Variants in SMAP2 observed in about 807,000 individuals in gnomAD.
SMAP2 encodes small ArfGAP2, also known as stromal membrane-associated protein 2.
In SMAP2, 25 loss-of-function variants were observed where a neutral mutation model predicts 56.4. That is an observed-to-expected ratio of 0.44 (90% CI 0.32 to 0.62). SMAP2 has a LOEUF of 0.62. SMAP2 is among the 20% of genes least tolerant of loss of function. The pLI, the probability that SMAP2 is intolerant of heterozygous loss-of-function variation, is 0.04. For synonymous variants in SMAP2, 157 were observed against 181.7 expected (o/e 0.86, Z 1.09); for missense variants, 388 against 545.6 (o/e 0.71, Z 2.88).
In SMAP2 at chr1:40,406,882, A is replaced by G; in HGVS notation, c.237+13A>G. The G allele has an allele frequency of 6.2e-7, 1 of 1,604,562 alleles. No individual in the cohort carries two copies. Among genetic ancestry groups the G allele is most frequent in the Non-Finnish European group, 8.5e-7 (1 of 1,173,458 alleles). On this transcript the variant is annotated intron_variant, in intron 2 of 9. Transcript: ENST00000372718. ...AGAACAGATTCAGGTACTTAGCCCA[A>G]GAGTGAGTCAGCTGCTTCCATATAT... is the stretch of plus-strand genomic sequence containing the variant.
chr1:40,388,065 C>T (rs1232040737), intron 1 of SMAP2, among the ~76,000 whole-genome samples: 1 of 152,216 alleles, frequency 6.6e-6, no homozygotes, highest in East Asian at 1.9e-4. Context: ...CTGGATTTCT[C>T]ACCGGGCCTT....
chr1:40,422,307 C>A lies in SMAP2; in HGVS notation c.*206C>A. 1 of 596,504 alleles carries A rather than the reference C, an allele frequency of 1.7e-6. No individual in the cohort carries two copies. Among genetic ancestry groups the A allele is most frequent in the Non-Finnish European group, 2.8e-6 (1 of 352,752 alleles). The allele number at this position is 596,504 out of a possible 1,614,324, so 37.0% of individuals were successfully genotyped here. The stretch of plus-strand genomic sequence containing the variant: ...GCTTTATGTTGTACATGCCCCATAG[C>A]CATCCCAACGTCCTCCCCAGTCCTC... On this transcript the variant is annotated 3_prime_UTR_variant, in exon 10 of 10. Coordinates refer to ENST00000372718, the MANE Select transcript of SMAP2 (RefSeq NM_022733.3).
At chr1:40,401,811 G>A (rs953261191) in intron 1 of SMAP2, among the ~76,000 whole-genome samples, 5 of 152,308 alleles carry the variant, frequency 3.3e-5, no homozygotes, top group East Asian at 3.9e-4. Flanking sequence ...CATGCAACAG[G>A]TCCGTGTAAA....
intron 1 of SMAP2, among the ~76,000 whole-genome samples, chr1:40,388,010 AG>A (rs1444134234): frequency 1.3e-5 from 2 of 152,070 alleles, no homozygotes. Flanking sequence ...GCGGCTGCAG[AG>A]GGTGTGCTGG....
At chr1:40,384,150 C>A (rs1226026432) in intron 1 of SMAP2, among the ~76,000 whole-genome samples, 1 of 152,220 alleles carries the variant, frequency 6.6e-6, no homozygotes, top group Non-Finnish European at 1.5e-5. Context: ...TACCTACCCT[C>A]CTTGGCCTCC....
chr1:40,387,889 C>G (rs1490986778), intron 1 of SMAP2, among the ~76,000 whole-genome samples: 1 of 151,582 alleles, frequency 6.6e-6, no homozygotes, highest in Non-Finnish European at 1.5e-5. Context: ...GTGTGCCGCA[C>G]TTGTGGGCCA....
At chr1:40,361,642 G>C (rs767897621) in intron 1 of SMAP2, among the ~76,000 whole-genome samples, 3 of 152,138 alleles carry the variant, frequency 2.0e-5, no homozygotes, top group Non-Finnish European at 4.4e-5. Context: ...TTCACCACAA[G>C]CTGACCAAAG....
At chr1:40,379,555 CTTTTTTTTTT>C (rs35398664) in intron 1 of SMAP2, among the ~76,000 whole-genome samples, 3 of 78,126 alleles carry the variant, frequency 3.8e-5, no homozygotes, top group South Asian at 1.0e-3. Flanking sequence ...TGTTGTCTCT[CTTTTTTTTTT>C]TTTTTTTTTT....
intron 1 of SMAP2, among the ~76,000 whole-genome samples, chr1:40,390,612 G>A (rs1189271015): frequency 1.3e-5 from 2 of 152,156 alleles, no homozygotes; most frequent in Non-Finnish European, 2.9e-5. Context: ...CAGCAGCAGA[G>A]AGTGAATTGT....
At chr1:40,416,101 G>A (rs1194325436) in intron 7 of SMAP2, 75 bp from the exon 8 acceptor site, 1 of 1,400,662 alleles carries the variant, frequency 7.1e-7, no homozygotes, top group Non-Finnish European at 9.7e-7. Flanking sequence ...AGGAGCAGCA[G>A]AGAGGGAAGG....
At chr1:40,351,341 C>T (rs1051864745) in intron 1 of SMAP2, among the ~76,000 whole-genome samples, 11 of 152,164 alleles carry the variant, frequency 7.2e-5, no homozygotes, top group African/African-American at 9.7e-5. Flanking sequence ...GCACAAGAAA[C>T]GCTGTGGACA....
chr1:40,377,930 T>C (rs966156853), intron 1 of SMAP2, among the ~76,000 whole-genome samples: 5 of 152,232 alleles, frequency 3.3e-5, no homozygotes, highest in Admixed American at 3.3e-4. Flanking sequence ...ATAAATGTTG[T>C]AGTGCTTGCA....
chr1:40,362,234 G>A (rs1357252493), intron 1 of SMAP2: 2 of 152,182 alleles, frequency 1.3e-5, no homozygotes, highest in African/African-American at 4.8e-5. Flanking sequence ...TAAATAACTC[G>A]ACTTCTCTCT....
At chr1:40,357,462 A>C (rs7545214) in intron 1 of SMAP2, among the ~76,000 whole-genome samples, 27,065 of 147,918 alleles carry the variant, frequency 0.18, 3,351 homozygotes, top group African/African-American at 0.37. Context: ...CTCAAAAACA[A>C]ACAACAACCA....
intron 1 of SMAP2, among the ~76,000 whole-genome samples, chr1:40,397,631 T>G (rs1175852396): frequency 6.6e-6 from 1 of 152,148 alleles, no homozygotes; most frequent in Admixed American, 6.5e-5. Flanking sequence ...CATCTTCTGT[T>G]TGCTAGCATT....
At position 40,396,521 on chromosome 1, in the gene SMAP2, C is replaced by T. The variant is rs1418145506; in HGVS notation, c.104-10215C>T. Among the ~76,000 whole-genome samples, 4 of 152,264 alleles carry T rather than the reference C, an allele frequency of 2.6e-5. No homozygotes were observed. The East Asian group carries it at 7.7e-4, about 29-fold the overall frequency. Reference sequence around the variant, plus strand: ...CAGACATTTTTAAGCTTAACTTATGCTCTTTTTTCAACAGTACAAATGTGG... The same window carrying T: ...CAGACATTTTTAAGCTTAACTTATGTTCTTTTTTCAACAGTACAAATGTGG... On this transcript the variant is annotated intron_variant, in intron 1 of 9. Transcript: ENST00000372718.
At chr1:40,413,177 C>T in intron 5 of SMAP2, 75 bp downstream of exon 5, 1 of 1,135,118 alleles carries the variant, frequency 8.8e-7, no homozygotes, top group East Asian at 2.4e-5. Flanking sequence ...AGTAGGAGGT[C>T]TCGTGGTGAG....
chr1:40,347,245 G>GC (rs1272256921), intron 1 of SMAP2, among the ~76,000 whole-genome samples: 1 of 47,376 alleles, frequency 2.1e-5, no homozygotes, highest in African/African-American at 5.7e-5. Flanking sequence ...TGTGTGTTTT[G>GC]TTTTTGTTTT....
At chr1:40,393,381 G>T (rs1296276310) in intron 1 of SMAP2, 1 of 1,535,412 alleles carries the variant, frequency 6.5e-7, no homozygotes, top group Non-Finnish European at 8.7e-7. Context: ...GCAGCAGAGC[G>T]CCGTGGGAGT....
Sources: gnomAD v4.1 joint callset for allele counts (sites outside exome capture counted in the v4.1 genomes callset) on GRCh38, gnomAD v4.1.1 for gene constraint, MANE v1.5 for transcripts, NCBI Gene and HGNC (gene_info 2026-07-23, HGNC 2026-07-21) for gene names.